Variants in AZI2 observed in about 807,000 individuals in gnomAD.
The protein encoded by AZI2 is 5-azacytidine-induced protein 2.
Under a neutral mutation model 45.8 loss-of-function variants are expected in AZI2, and 22 were observed. That is an observed-to-expected ratio of 0.48 (90% confidence interval 0.34 to 0.69). The LOEUF is 0.69. Among genes scored for constraint, AZI2 ranks in the 30% least tolerant of loss-of-function variants. The probability of loss-of-function intolerance (pLI) is 0.01; values close to 1 mark genes in which losing one functional copy is unlikely to be tolerated. For missense variants in AZI2, 417 were observed against 441.5 expected (o/e 0.94, Z 0.50); for synonymous variants, 137 against 156.7 (o/e 0.87, Z 0.94).
chr3:28,337,767 T>G (rs759906867), intron 4 of AZI2, among the ~76,000 whole-genome samples, 170 bp downstream of exon 4: 1 of 152,116 alleles, frequency 6.6e-6, no homozygotes, highest in Non-Finnish European at 1.5e-5. Context: ...AAGGAAAAGT[T>G]AAAGGAAGTT....
At chr3:28,324,813 C>T (rs1219879294) in intron 7 of AZI2, 2 of 165,292 alleles carry the variant, frequency 1.2e-5, no homozygotes, top group Non-Finnish European at 2.6e-5. Context: ...AAATAAAGAT[C>T]CTGTTCTTGG....
chr3:28,328,917 A>C (rs1431633328), intron 6 of AZI2, among the ~76,000 whole-genome samples: 1 of 151,188 alleles, frequency 6.6e-6, no homozygotes, highest in Non-Finnish European at 1.5e-5. Flanking sequence ...TGTCATCCCT[A>C]ATTTTTAGCA....
chr3:28,347,813 T>C (rs774716025), intron 1 of AZI2, among the ~76,000 whole-genome samples: 43 of 152,372 alleles, frequency 2.8e-4, no homozygotes, highest in Admixed American at 1.1e-3. Context: ...CAATGAGATA[T>C]GGCGTTTTTA....
intron 6 of AZI2, among the ~76,000 whole-genome samples, chr3:28,328,132 A>G (rs1173824810): frequency 6.6e-6 from 1 of 150,982 alleles, no homozygotes; most frequent in Non-Finnish European, 1.5e-5. Flanking sequence ...TCTGTTGTAA[A>G]CATCATTTGT....
intron 5 of AZI2, among the ~76,000 whole-genome samples, chr3:28,334,272 T>A (rs1476526002): frequency 6.6e-6 from 1 of 151,960 alleles, no homozygotes; most frequent in African/African-American, 2.4e-5. Flanking sequence ...GCTAGACTAA[T>A]GTGAGCTAGA....
chr3:28,335,074 A>G (rs913948485), intron 5 of AZI2, among the ~76,000 whole-genome samples: 1 of 152,080 alleles, frequency 6.6e-6, no homozygotes, highest in Non-Finnish European at 1.5e-5. Flanking sequence ...GAAGACGTCT[A>G]AAGTCCCTAA....
rs753292547 is a variant in AZI2 at position 28,324,090 on chromosome 3, T to C, written c.1131A>G (p.Pro377=). ...TKTLPLPNLP[P]LHYLDQHNQN... is the part of the protein sequence containing the mutation. ...GATTATGTTGATCCAAGTAATGCAG[T>C]GGTGGAAGGTTGGGTAAAGGCAAAG... The change falls in exon 8 of 8, where the codon CCA becomes CCG. Residue 377 remains proline, a synonymous_variant. Transcript: ENST00000479665. 2 of 1,609,912 alleles carry C rather than the reference T, an allele frequency of 1.2e-6. No homozygotes were observed. Among genetic ancestry groups the C allele is most frequent in the African/African-American group, 1.3e-5 (1 of 74,570 alleles).
At chr3:28,333,354 G>A (rs1477421503) in intron 5 of AZI2, among the ~76,000 whole-genome samples, 2 of 151,596 alleles carry the variant, frequency 1.3e-5, no homozygotes, top group Admixed American at 6.6e-5. Flanking sequence ...ATCTTAGGGA[G>A]CCCTAAGGAG....
rs763128954 is a variant in AZI2 at position 28,331,959 on chromosome 3, A to G, written c.647+410T>C. On this transcript the variant is annotated intron_variant, in intron 6 of 7. Coordinates refer to ENST00000479665, the MANE Select transcript of AZI2 (RefSeq NM_022461.5). ...GCTGTGCTACAGATACTCTGTCTCA[A>G]AAAACAAAAAACAAAAAAAAATAAA... 185 of 1,459,906 alleles carry G rather than the reference A, an allele frequency of 1.3e-4. 1 individual carries two copies. The Middle Eastern group carries it at 1.7e-3, about 14-fold the overall frequency. 90.4% of individuals were successfully genotyped at this position (1,459,906 alleles called of 1,614,324 possible). A position where few individuals can be genotyped will look rare whatever the true frequency, so the allele number is the denominator to read the frequency against.
chr3:28,344,718 T>C (rs1449212198), intron 1 of AZI2, among the ~76,000 whole-genome samples: 1 of 152,110 alleles, frequency 6.6e-6, no homozygotes, highest in Non-Finnish European at 1.5e-5. Flanking sequence ...TTGAAGAAAC[T>C]TAACATTATA....
chr3:28,332,839 G>A (rs767978208), intron 5 of AZI2, among the ~76,000 whole-genome samples: 4 of 151,576 alleles, frequency 2.6e-5, no homozygotes, highest in Non-Finnish European at 5.9e-5. Flanking sequence ...TCACTTTTTC[G>A]TAGTATTACC....
At position 28,323,726 on chromosome 3, in the gene AZI2, C is replaced by T; in HGVS notation, c.*316G>A. The T allele has an allele frequency of 5.0e-6, 1 of 200,960 alleles. No individual in the cohort carries two copies. Among genetic ancestry groups the T allele is most frequent in the Non-Finnish European group, 9.9e-6 (1 of 100,716 alleles). 12.4% of individuals were successfully genotyped at this position (200,960 alleles called of 1,614,324 possible). A position where few individuals can be genotyped will look rare whatever the true frequency, so the allele number is the denominator to read the frequency against. On this transcript the variant is annotated 3_prime_UTR_variant, in exon 8 of 8. Transcript: ENST00000479665. ...TTTGTAAAACCACGTCTACAATCTC[C>T]AATTCCATTCTTCTGAGAGGCAAAA...
chr3:28,341,679 C>A (rs1179623977), intron 1 of AZI2: 3 of 151,858 alleles, frequency 2.0e-5, no homozygotes, highest in Non-Finnish European at 4.4e-5. Flanking sequence ...GGACTTTAGA[C>A]CATGCAAGAG....
chr3:28,338,222 T>TA lies in AZI2; in HGVS notation c.340-187dup, dbSNP rs547484899. The stretch of plus-strand genomic sequence containing the variant: ...TTTAGGACATCATTATTCACTGGCT[T>TA]AAAAAAAAAAAAAGACTAAATCTAC... On this transcript the variant is annotated intron_variant, in intron 3 of 7. Coordinates refer to ENST00000479665, the MANE Select transcript of AZI2 (RefSeq NM_022461.5). Among the ~76,000 whole-genome samples, 763 of 141,364 alleles carry TA rather than the reference T, an allele frequency of 5.4e-3. 6 individuals carry two copies. Among genetic ancestry groups the TA allele is most frequent in the African/African-American group, 0.016 (606 of 38,924 alleles). The allele number at this position is 141,364 out of a possible 152,430, so 92.7% of individuals were successfully genotyped here. A position where few individuals can be genotyped will look rare whatever the true frequency, so the allele number is the denominator to read the frequency against.
In AZI2 at chr3:28,338,575, C is replaced by G; in HGVS notation, c.257G>C (p.Arg86Pro). The G allele has an allele frequency of 1.9e-6, 3 of 1,610,264 alleles. No individual in the cohort carries two copies. Among genetic ancestry groups the G allele is most frequent in the Non-Finnish European group, 2.5e-6 (3 of 1,177,956 alleles). ...ATGATAGGCCTTATTTACTTGTTCT[C>G]GTCCCACGGAACTTGTTTCTTCTTC... The part of the protein sequence containing the change: ...RFEEETSSVG[R>P]EQVNKAYHAY... Residue 86 changes from arginine (R) to proline (P), a missense_variant, in exon 3 of 8, where the codon CGA becomes CCA. By Grantham distance (103) the Arg-to-Pro change is moderately radical. Transcript: ENST00000479665.
intron 1 of AZI2, among the ~76,000 whole-genome samples, chr3:28,346,416 G>A (rs1274322062): frequency 6.6e-6 from 1 of 152,034 alleles, no homozygotes; most frequent in Non-Finnish European, 1.5e-5. Context: ...ATTTATGCCA[G>A]GAACTGCATA....
chr3:28,321,819 CT>C lies in AZI2; in HGVS notation c.*2222del, dbSNP rs898832282. 8 of 151,308 alleles carry C rather than the reference CT, an allele frequency of 5.3e-5. No individual in the cohort carries two copies. The highest frequency in any genetic ancestry group is 1.2e-4 in the Non-Finnish European group (8 of 67,512). 9.4% of individuals were successfully genotyped at this position (151,308 alleles called of 1,614,324 possible). A position where few individuals can be genotyped will look rare whatever the true frequency, so the allele number is the denominator to read the frequency against. On this transcript the variant is annotated 3_prime_UTR_variant, in exon 8 of 8. Transcript: ENST00000479665. ...GTAAGTCTTACAGATGTAAATTTTACTTTAGCTAATAAGGGAGCAAGAGGAA... is the reference window on the plus strand; with the variant it reads ...GTAAGTCTTACAGATGTAAATTTTACTTAGCTAATAAGGGAGCAAGAGGAA...
At chr3:28,337,744 G>A (rs570732355) in intron 4 of AZI2, among the ~76,000 whole-genome samples, 193 bp downstream of exon 4, 20 of 152,196 alleles carry the variant, frequency 1.3e-4, no homozygotes, top group African/African-American at 4.8e-4. Context: ...TAGGAAAAGT[G>A]CAATATATAG....
At position 28,328,418 on chromosome 3, in the gene AZI2, G is replaced by T. The variant is rs543549536; in HGVS notation, c.648-1468C>A. Among the ~76,000 whole-genome samples, 63 of 151,222 alleles carry T rather than the reference G, an allele frequency of 4.2e-4. 1 individual carries two copies. Among genetic ancestry groups the T allele is most frequent in the African/African-American group, 1.5e-3 (62 of 41,418 alleles). ...GTGCTAATTCATTCATTCAGTCATG[G>T]TATGAATAATACAGCTTAAAAATAG... On this transcript the variant is annotated intron_variant, in intron 6 of 7. Coordinates refer to ENST00000479665, the MANE Select transcript of AZI2 (RefSeq NM_022461.5).
Sources: allele counts gnomAD v4.1 joint callset (sites outside exome capture counted in the v4.1 genomes callset), GRCh38; gene constraint gnomAD v4.1.1; transcripts MANE v1.5; gene names NCBI Gene and HGNC (gene_info 2026-07-23, HGNC 2026-07-21).